Variants in ADGRV1 observed in about 807,000 individuals in gnomAD.
The protein encoded by ADGRV1 is G-protein coupled receptor 98.
ADGRV1 carries 359 observed loss-of-function variants against 596.2 expected under a neutral mutation model. The observed-to-expected ratio is 0.60, with a 90% confidence interval of 0.55 to 0.66. ADGRV1 has a LOEUF of 0.66. ADGRV1 is among the 30% of genes least tolerant of loss of function. The pLI is 0.00. For synonymous variants in ADGRV1, 2,681 were observed against 2,679.2 expected (o/e 1.00, Z -0.02); for missense variants, 7,274 against 7,575.6 (o/e 0.96, Z 1.48).
chr5:91,122,522 A>C lies in ADGRV1; in HGVS notation c.18432+20182A>C, dbSNP rs146221957. ...TATTAGCACTCTCTGCTCTAGTCAT[A>C]GCACATTACTACTTCATACCTCTTT... is the stretch of plus-strand genomic sequence containing the variant. On this transcript the variant is annotated intron_variant, in intron 87 of 89. Transcript: ENST00000405460. Among the ~76,000 whole-genome samples the C allele has an allele frequency of 1.8e-3, 278 of 152,344 alleles. 1 individual carries two copies. The highest frequency in any genetic ancestry group is 6.5e-3 in the African/African-American group (269 of 41,576).
intron 85 of ADGRV1, among the ~76,000 whole-genome samples, chr5:91,054,096 T>A (rs1383849799): frequency 6.4e-4 from 78 of 122,094 alleles, no homozygotes; most frequent in African/African-American, 2.2e-3. Flanking sequence ...TGTGTGTGTG[T>A]GTGTGTGAGA....
chr5:90,628,484 A>G lies in ADGRV1; in HGVS notation c.1239-78A>G, dbSNP rs1197585701. On this transcript the variant is annotated intron_variant, in intron 7 of 89. Coordinates refer to ENST00000405460, the MANE Select transcript of ADGRV1 (RefSeq NM_032119.4). Reference sequence around the variant, plus strand: ...TGTTTTTATCAGTGTCTAATGGACAACTTGACATTGGGAAAGCTTATCTAA... The same window carrying G: ...TGTTTTTATCAGTGTCTAATGGACAGCTTGACATTGGGAAAGCTTATCTAA... 1.1e-5 allele frequency: 14 copies of G among 1,229,316 alleles called. No homozygotes were observed. In the African/African-American group the frequency reaches 1.5e-4, roughly 13 times the overall value. 76.2% of individuals were successfully genotyped at this position (1,229,316 alleles called of 1,614,324 possible). A position where few individuals can be genotyped will look rare whatever the true frequency, so the allele number is the denominator to read the frequency against.
chr5:90,747,705 A>C (rs1754779908), intron 52 of ADGRV1, among the ~76,000 whole-genome samples: 1 of 152,224 alleles, frequency 6.6e-6, no homozygotes, highest in Non-Finnish European at 1.5e-5. Context: ...TCTCAGAAAG[A>C]AATGAATGTT....
At chr5:90,678,182 A>G (rs1321868833) in intron 25 of ADGRV1, among the ~76,000 whole-genome samples, 1 of 152,094 alleles carries the variant, frequency 6.6e-6, no homozygotes, top group Non-Finnish European at 1.5e-5. Context: ...TCCTATTGAC[A>G]GGCAAAAACA....
intron 81 of ADGRV1, 43 bp downstream of exon 81, chr5:90,854,244 C>T (rs1373588951): frequency 6.9e-7 from 1 of 1,448,250 alleles, no homozygotes; most frequent in Non-Finnish European, 9.2e-7. Context: ...TGGTCCTTCC[C>T]CATTTCGGTA....
intron 86 of ADGRV1, among the ~76,000 whole-genome samples, chr5:91,075,435 C>A (rs1370540259): frequency 6.6e-6 from 1 of 152,090 alleles, no homozygotes; most frequent in Non-Finnish European, 1.5e-5. Context: ...TGCTTCATTA[C>A]TGATATAGTA....
intron 85 of ADGRV1, among the ~76,000 whole-genome samples, chr5:91,003,677 A>C (rs1342366693): frequency 1.3e-5 from 2 of 152,218 alleles, no homozygotes; most frequent in Non-Finnish European, 2.9e-5. Flanking sequence ...CACTCAGACA[A>C]AAATTGGATA....
At chr5:90,690,101 C>G (rs901956579) in intron 30 of ADGRV1, 25 bp downstream of exon 30, 1 of 1,289,420 alleles carries the variant, frequency 7.8e-7, no homozygotes, top group African/African-American at 1.5e-5. Flanking sequence ...TTATGTCTCT[C>G]TTTGACTTGT....
chr5:90,819,405 C>A (rs970069867), intron 75 of ADGRV1, among the ~76,000 whole-genome samples: 2 of 151,576 alleles, frequency 1.3e-5, no homozygotes, highest in African/African-American at 4.9e-5. Context: ...TTTTTTGTGT[C>A]TCTATTTCCT....
At chr5:90,563,384 G>A (rs1338579800) in intron 1 of ADGRV1, among the ~76,000 whole-genome samples, 1 of 152,216 alleles carries the variant, frequency 6.6e-6, no homozygotes, top group African/African-American at 2.4e-5. Flanking sequence ...ATTGTTGCTG[G>A]TCTTAAATAA....
At chr5:90,808,302 G>GGGATTTAGTC (rs1431472712) in intron 73 of ADGRV1, among the ~76,000 whole-genome samples, 38 of 152,302 alleles carry the variant, frequency 2.5e-4, no homozygotes, top group African/African-American at 8.7e-4. Context: ...GGGCAGACCT[G>GGGATTTAGTC]CTATTCAGAC....
intron 72 of ADGRV1, among the ~76,000 whole-genome samples, chr5:90,806,604 T>C (rs1369140701): frequency 2.0e-5 from 3 of 152,170 alleles, no homozygotes; most frequent in Admixed American, 6.5e-5. Context: ...AAAAGACTTA[T>C]GTGTAGAAAT....
intron 58 of ADGRV1, among the ~76,000 whole-genome samples, chr5:90,760,960 TA>T (rs141298598): frequency 0.012 from 1,814 of 152,320 alleles, 30 homozygotes; most frequent in African/African-American, 0.042. Flanking sequence ...AATTCCAAGG[TA>T]TGAATTAGCC....
intron 70 of ADGRV1, chr5:90,792,584 T>C (rs972742954): frequency 6.6e-6 from 1 of 151,720 alleles, no homozygotes; most frequent in African/African-American, 2.4e-5. Flanking sequence ...ATGTAACCAA[T>C]TTTACCGTAA....
In ADGRV1 at chr5:91,132,422, G is replaced by A. The variant is rs552506312; in HGVS notation, c.18433-17608G>A. 5.3e-5 allele frequency among the ~76,000 whole-genome samples: 8 copies of A among 152,180 alleles called. No homozygotes were observed. The South Asian group carries it at 1.7e-3, about 32-fold the overall frequency. ...TTCTCTCATCATTTATTCATTCGAAGGTATTCATTACATAGATGACTGCAT... is the reference window on the plus strand; with the variant it reads ...TTCTCTCATCATTTATTCATTCGAAAGTATTCATTACATAGATGACTGCAT... On this transcript the variant is annotated intron_variant, in intron 87 of 89. Transcript: ENST00000405460.
intron 39 of ADGRV1, among the ~76,000 whole-genome samples, chr5:90,710,683 A>G (rs1196600108): frequency 6.6e-6 from 1 of 152,120 alleles, no homozygotes; most frequent in Non-Finnish European, 1.5e-5. Flanking sequence ...GAGATGCCAA[A>G]TATGTTTTAA....
chr5:90,831,468 A>G (rs1252891909), intron 77 of ADGRV1, among the ~76,000 whole-genome samples: 3 of 152,138 alleles, frequency 2.0e-5, no homozygotes, highest in Non-Finnish European at 4.4e-5. Flanking sequence ...AATGGGATAC[A>G]TGAGATATTT....
At chr5:90,944,636 T>A (rs1183778813) in intron 83 of ADGRV1, among the ~76,000 whole-genome samples, 1 of 152,198 alleles carries the variant, frequency 6.6e-6, no homozygotes, top group Non-Finnish European at 1.5e-5. Context: ...CAAAACACCT[T>A]TATACCTCAA....
intron 6 of ADGRV1, chr5:90,625,965 A>T (rs184939276): frequency 6.6e-5 from 10 of 152,290 alleles, no homozygotes; most frequent in Admixed American, 6.5e-4. Flanking sequence ...TTCACATTGG[A>T]ACTAGCAAGG....
Sources: allele counts gnomAD v4.1 joint callset (sites outside exome capture counted in the v4.1 genomes callset), GRCh38; gene constraint gnomAD v4.1.1; transcripts MANE v1.5; gene names NCBI Gene and HGNC (gene_info 2026-07-23, HGNC 2026-07-21).